PMVK: variants seen among roughly 807,000 people sequenced by gnomAD.
PMVK encodes testis tissue sperm-binding protein Li 95mP.
Under a neutral mutation model 19.0 loss-of-function variants are expected in PMVK, and 10 were observed. The observed-to-expected ratio is 0.53, with a 90% CI of 0.32 to 0.89. The LOEUF is 0.89. Among genes scored for constraint, PMVK ranks in the 40% least tolerant of loss-of-function variants. PMVK has a pLI of 0.03. For missense variants in PMVK, 222 were observed against 251.1 expected, an observed-to-expected ratio of 0.88 and a Z score of 0.78; for synonymous variants, 108 against 101.6, an observed-to-expected ratio of 1.06 and a Z score of -0.38.
chr1:154,930,225 C>T (rs568756939), intron 2 of PMVK, among the ~76,000 whole-genome samples: 3 of 152,216 alleles, frequency 2.0e-5, no homozygotes, highest in Non-Finnish European at 2.9e-5. Flanking sequence ...TTTGGGAGGC[C>T]GAGGCGGGCA....
chr1:154,942,051 G>C, the PMVK span, among the ~76,000 whole-genome samples: 2 of 152,202 alleles, frequency 1.3e-5, no homozygotes, highest in African/African-American at 4.8e-5. Flanking sequence ...TTTTCCATTT[G>C]AGAGTAGAAG....
chr1:154,936,780 C>T (rs113672454), upstream of PMVK: 129 of 1,169,730 alleles, frequency 1.1e-4, 1 homozygote, highest in African/African-American at 1.7e-3. Context: ...CTAAGCGGAG[C>T]GGCAACAAGG....
At chr1:154,935,546 G>A (rs987348461) in intron 1 of PMVK, among the ~76,000 whole-genome samples, 1 of 152,142 alleles carries the variant, frequency 6.6e-6, no homozygotes, top group Non-Finnish European at 1.5e-5. Flanking sequence ...AGATAAAGTT[G>A]AATTTGTTTG....
At chr1:154,939,233 G>A (rs937305668), upstream of PMVK, among the ~76,000 whole-genome samples, 2 of 152,146 alleles carry the variant, frequency 1.3e-5, no homozygotes, top group African/African-American at 4.8e-5. Context: ...ATCACCAGAA[G>A]CTGCTCAACC....
upstream of PMVK, among the ~76,000 whole-genome samples, chr1:154,938,722 T>G (rs1159275051): frequency 1.3e-5 from 2 of 152,198 alleles, no homozygotes; most frequent in Non-Finnish European, 2.9e-5. Flanking sequence ...GCATCCGCTT[T>G]GAGTCTATGG....
In PMVK at chr1:154,925,084, C is replaced by A; in HGVS notation, c.*45G>T. The A allele has an allele frequency of 6.7e-7, 1 of 1,482,964 alleles. No homozygotes were observed. Among genetic ancestry groups the A allele is most frequent in the African/African-American group, 1.4e-5 (1 of 69,178 alleles). 91.9% of individuals were successfully genotyped at this position (1,482,964 alleles called of 1,614,324 possible). A position where few individuals can be genotyped will look rare whatever the true frequency, so the allele number is the denominator to read the frequency against. Reference sequence around the variant, plus strand: ...CACCCCCATTTTGCAGAGTCAGCCCCACCCCCACCTCAGCAGGCCCCAGCT... The same window carrying A: ...CACCCCCATTTTGCAGAGTCAGCCCAACCCCCACCTCAGCAGGCCCCAGCT... On this transcript the variant is annotated 3_prime_UTR_variant, in exon 5 of 5. Coordinates refer to ENST00000368467, the MANE Select transcript of PMVK (RefSeq NM_006556.4).
At chr1:154,942,474 C>T in the PMVK span, among the ~76,000 whole-genome samples, 9 of 152,232 alleles carry the variant, frequency 5.9e-5, no homozygotes, top group Non-Finnish European at 8.8e-5. Flanking sequence ...AGAGGGGCCT[C>T]GTGGCCTGTG....
At chr1:154,935,875 G>A (rs1026381810) in intron 1 of PMVK, among the ~76,000 whole-genome samples, 1 of 151,948 alleles carries the variant, frequency 6.6e-6, no homozygotes, top group South Asian at 2.1e-4. Flanking sequence ...TTTTTTTGTA[G>A]AGACTAGGGT....
At chr1:154,925,921 G>A (rs1236259938) in intron 4 of PMVK, among the ~76,000 whole-genome samples, 4 of 152,208 alleles carry the variant, frequency 2.6e-5, no homozygotes, top group Non-Finnish European at 4.4e-5. Context: ...GTGATCTAGG[G>A]CAGGAAGGAA....
At chr1:154,931,325 G>T (rs1654328840) in intron 2 of PMVK, among the ~76,000 whole-genome samples, 1 of 152,332 alleles carries the variant, frequency 6.6e-6, no homozygotes, top group African/African-American at 2.4e-5. Flanking sequence ...AGGGCAAAAT[G>T]TGGCGACAAG....
rs187514930 is a variant in PMVK at position 154,934,788 on chromosome 1, G to A, written c.95+1803C>T. Among the ~76,000 whole-genome samples, 21 of 152,118 alleles carry A rather than the reference G, an allele frequency of 1.4e-4. No homozygotes were observed. In the East Asian group the frequency reaches 3.5e-3, roughly 25 times the overall value. ...CAAAACTGAGACGCAGGCCAGGTGC[G>A]GTGGTGGTTCACGTCTGTAATCCCA... On this transcript the variant is annotated intron_variant, in intron 1 of 4. Coordinates refer to ENST00000368467, the MANE Select transcript of PMVK (RefSeq NM_006556.4).
At chr1:154,932,243 G>T in intron 2 of PMVK, 109 bp downstream of exon 2, 1 of 796,362 alleles carries the variant, frequency 1.3e-6, no homozygotes, top group Non-Finnish European at 2.2e-6. Flanking sequence ...CCACCACCCT[G>T]CCAGCAGTGG....
At position 154,924,896 on chromosome 1, in the gene PMVK, G is replaced by A. The variant is rs1442261773; in HGVS notation, c.*233C>T. The A allele has an allele frequency of 7.3e-6, 4 of 547,658 alleles. No individual in the cohort carries two copies. In the African/African-American group the frequency reaches 7.6e-5, roughly 10 times the overall value. The allele number at this position is 547,658 out of a possible 1,614,324, so 33.9% of individuals were successfully genotyped here. On this transcript the variant is annotated 3_prime_UTR_variant, in exon 5 of 5. Coordinates refer to ENST00000368467, the MANE Select transcript of PMVK (RefSeq NM_006556.4). The stretch of plus-strand genomic sequence containing the variant: ...GGGTTTCGCCTTCAAGCACAGCCAA[G>A]ACACCCTCCTTTGCCCTTGGAGTCT...
chr1:154,931,829 G>C (rs569523097), intron 2 of PMVK, among the ~76,000 whole-genome samples: 36 of 142,354 alleles, frequency 2.5e-4, no homozygotes, highest in Non-Finnish European at 4.3e-4. Flanking sequence ...TTTCTTTTTT[G>C]TGTGTTGTTG....
rs1654511641 is a variant in PMVK, at chr1:154,936,590, C to G, written c.95+1G>C. 6.3e-7 allele frequency: 1 copy of G among 1,599,490 alleles called. No homozygotes were observed. The highest frequency in any genetic ancestry group is 8.5e-7 in the Non-Finnish European group (1 of 1,173,210). ...TTCCACCTTTCCCGCCTCACGGACACCTGCTCTGCAGCGCCTCGGTCACGA... is the reference window on the plus strand; with the variant it reads ...TTCCACCTTTCCCGCCTCACGGACAGCTGCTCTGCAGCGCCTCGGTCACGA... On this transcript the variant is annotated splice_donor_variant, in intron 1 of 4. Coordinates refer to ENST00000368467, the MANE Select transcript of PMVK (RefSeq NM_006556.4). LOFTEE classifies it high-confidence loss of function.
intron 1 of PMVK, among the ~76,000 whole-genome samples, chr1:154,934,492 A>G (rs1558032581): frequency 6.6e-6 from 1 of 151,846 alleles, no homozygotes. Context: ...AATTTTTTTT[A>G]TCTTTTGTAG....
At chr1:154,935,958 G>T (rs1654490869) in intron 1 of PMVK, among the ~76,000 whole-genome samples, 1 of 152,088 alleles carries the variant, frequency 6.6e-6, no homozygotes, top group African/African-American at 2.4e-5. Context: ...CTCCCAAAGT[G>T]CTGGGGTGAC....
chr1:154,927,991 C>A (rs1328170372), intron 3 of PMVK, among the ~76,000 whole-genome samples: 1 of 152,090 alleles, frequency 6.6e-6, no homozygotes, highest in East Asian at 1.9e-4. Context: ...AATGTAAGCT[C>A]CCTGAAGGAA....
chr1:154,926,770 G>A (rs188337187), intron 3 of PMVK, among the ~76,000 whole-genome samples: 3 of 152,132 alleles, frequency 2.0e-5, no homozygotes, highest in African/African-American at 7.2e-5. Flanking sequence ...AGGTGCTAAG[G>A]CTAGACTGGT....
Sources: allele counts gnomAD v4.1 joint callset (sites outside exome capture counted in the v4.1 genomes callset), GRCh38; gene constraint gnomAD v4.1.1; transcripts MANE v1.5; gene names NCBI Gene and HGNC (gene_info 2026-07-23, HGNC 2026-07-21).